SLMAP: variants seen among roughly 807,000 people sequenced by gnomAD.
SLMAP encodes the protein sarcolemmal membrane-associated protein.
Under a neutral mutation model 128.8 loss-of-function variants are expected in SLMAP, and 44 were observed. The observed-to-expected ratio is 0.34, with a 90% CI of 0.27 to 0.44. The LOEUF is 0.44. SLMAP is among the 20% of genes least tolerant of loss of function. SLMAP has a pLI of 1.00. For missense variants in SLMAP, 787 were observed against 985.3 expected (o/e 0.80, Z 2.69); for synonymous variants, 327 against 348.8 (o/e 0.94, Z 0.70).
chr3:57,773,263 C>G (rs144282975), intron 2 of SLMAP, among the ~76,000 whole-genome samples: 1 of 152,328 alleles, frequency 6.6e-6, no homozygotes, highest in Non-Finnish European at 1.5e-5. Context: ...CTCAGTTAGA[C>G]TGCATTTCAG....
rs772427131 is a variant in SLMAP, at chr3:57,831,539, A to G, written c.346+9A>G. 29 of 1,475,284 alleles carry G rather than the reference A, an allele frequency of 2.0e-5. No homozygotes were observed. Among genetic ancestry groups the G allele is most frequent in the Middle Eastern group, 1.8e-4 (1 of 5,550 alleles). 91.4% of individuals were successfully genotyped at this position (1,475,284 alleles called of 1,614,324 possible). A position where few individuals can be genotyped will look rare whatever the true frequency, so the allele number is the denominator to read the frequency against. ...AGAGAATACACGGAAAGGTACGGGT[A>G]TGGATCACTTTTTTTATTACTTGTC... On this transcript the variant is annotated intron_variant, in intron 3 of 24. Transcript: ENST00000671191.
intron 3 of SLMAP, among the ~76,000 whole-genome samples, chr3:57,833,130 G>A (rs972513017): frequency 5.9e-5 from 9 of 152,322 alleles, no homozygotes; most frequent in African/African-American, 1.4e-4. Flanking sequence ...ATTTCCTAAA[G>A]GGAATTATTA....
chr3:57,921,845 A>G (rs1244498608), intron 22 of SLMAP, among the ~76,000 whole-genome samples: 1 of 151,930 alleles, frequency 6.6e-6, no homozygotes, highest in African/African-American at 2.4e-5. Context: ...AGCTGGGATT[A>G]CAGGCATGCA....
chr3:57,898,781 G>A (rs2096299033), intron 17 of SLMAP: 1 of 152,210 alleles, frequency 6.6e-6, no homozygotes, highest in Admixed American at 6.5e-5. Flanking sequence ...AAAGCTAAGA[G>A]CCAAAGAACT....
chr3:57,848,915 G>A (rs936677831), intron 5 of SLMAP, among the ~76,000 whole-genome samples: 1 of 151,782 alleles, frequency 6.6e-6, no homozygotes, highest in African/African-American at 2.4e-5. Context: ...CTCCATGTCG[G>A]TCAGGCTGGT....
At chr3:57,905,722 G>C (rs2096518210) in intron 17 of SLMAP, among the ~76,000 whole-genome samples, 1 of 152,176 alleles carries the variant, frequency 6.6e-6, no homozygotes, top group African/African-American at 2.4e-5. Flanking sequence ...TTAATAGCCA[G>C]TGCTTTTGTA....
intron 4 of SLMAP, among the ~76,000 whole-genome samples, chr3:57,846,554 ATTTTTTTTT>A (rs1161889766): frequency 1.5e-5 from 2 of 136,010 alleles, no homozygotes; most frequent in Non-Finnish European, 3.2e-5. Flanking sequence ...AAAATGGATA[ATTTTTTTTT>A]TTTTTTTTTT....
At chr3:57,758,995 G>C (rs1197631688) in intron 2 of SLMAP, among the ~76,000 whole-genome samples, 1 of 152,140 alleles carries the variant, frequency 6.6e-6, no homozygotes, top group East Asian at 1.9e-4. Flanking sequence ...GTTTTGAAAT[G>C]AAAGAAACCT....
chr3:57,775,926 T>C (rs2081838034), intron 2 of SLMAP, among the ~76,000 whole-genome samples: 1 of 152,086 alleles, frequency 6.6e-6, no homozygotes, highest in Non-Finnish European at 1.5e-5. Context: ...CTCAAACTCC[T>C]AACCTCAGGT....
At chr3:57,926,025 G>A (rs2097001468) in intron 24 of SLMAP, 91 bp downstream of exon 24, 2 of 899,150 alleles carry the variant, frequency 2.2e-6, no homozygotes, top group South Asian at 1.5e-5. Flanking sequence ...GAACACACAG[G>A]TATTTTGTTA....
chr3:57,926,075 G>GTCAT, intron 24 of SLMAP, 141 bp downstream of exon 24: 1 of 650,592 alleles, frequency 1.5e-6, no homozygotes, highest in South Asian at 1.9e-5. Flanking sequence ...GTGTATTTGT[G>GTCAT]TCATACCAAT....
chr3:57,831,654 C>G (rs1419821954), intron 3 of SLMAP, 124 bp downstream of exon 3: 2 of 595,660 alleles, frequency 3.4e-6, no homozygotes, highest in Non-Finnish European at 5.2e-6. Context: ...GCATTATATA[C>G]AGTGAAAAGT....
intron 2 of SLMAP, among the ~76,000 whole-genome samples, chr3:57,761,672 T>C (rs957239751): frequency 6.6e-6 from 1 of 152,140 alleles, no homozygotes; most frequent in Non-Finnish European, 1.5e-5. Flanking sequence ...CGGTCGACAA[T>C]TGGGGTAATA....
intron 15 of SLMAP, 42 bp from the exon 16 acceptor site, chr3:57,896,469 T>C (rs777105737): frequency 1.9e-5 from 29 of 1,540,074 alleles, no homozygotes; most frequent in Non-Finnish European, 2.2e-5. Context: ...ATATAAGATA[T>C]TTAACTGTAA....
Position 57,836,333 on chromosome 3 carries a change from AT to A in SLMAP, c.346+4806del, listed in dbSNP as rs977981239. On this transcript the variant is annotated intron_variant, in intron 3 of 24. Transcript: ENST00000671191. ...GACATTTATGTATTTATATAAACTA[AT>A]TTGTGTATATGTTAAAAAATTTCAG... Among the ~76,000 whole-genome samples the A allele has an allele frequency of 5.0e-4, 76 of 152,246 alleles. 1 individual carries two copies. Among genetic ancestry groups the A allele is most frequent in the African/African-American group, 1.6e-3 (68 of 41,548 alleles).
intron 17 of SLMAP, among the ~76,000 whole-genome samples, chr3:57,903,374 C>T (rs750283773): frequency 6.6e-6 from 1 of 152,212 alleles, no homozygotes; most frequent in East Asian, 1.9e-4. Flanking sequence ...GAGGACACAT[C>T]CACTTGCCAG....
chr3:57,869,642 A>ATATAT (rs1399796911), intron 13 of SLMAP, among the ~76,000 whole-genome samples: 1 of 129,360 alleles, frequency 7.7e-6, no homozygotes, highest in Non-Finnish European at 1.6e-5. Context: ...ATATATATAT[A>ATATAT]TATATATATA....
chr3:57,868,917 TATATA>T (rs1218451993), intron 13 of SLMAP, among the ~76,000 whole-genome samples: 12 of 136,474 alleles, frequency 8.8e-5, no homozygotes, highest in East Asian at 2.0e-4. Flanking sequence ...GTGTGTATTA[TATATA>T]ATATAATATA....
chr3:57,757,953 A>G (rs1439488514), intron 2 of SLMAP, 104 bp downstream of exon 2: 5 of 993,060 alleles, frequency 5.0e-6, no homozygotes, highest in Non-Finnish European at 7.6e-6. Context: ...GTTTGCATCC[A>G]GAGGAGGCTT....
Sources: allele counts gnomAD v4.1 joint callset (sites outside exome capture counted in the v4.1 genomes callset), GRCh38; gene constraint gnomAD v4.1.1; transcripts MANE v1.5; gene names NCBI Gene and HGNC (gene_info 2026-07-23, HGNC 2026-07-21).